Variants in RTN4IP1 observed in about 807,000 individuals in gnomAD.
The protein encoded by RTN4IP1 is reticulon 4 interacting protein 1, also known as NAD(P)H oxidoreductase RTN4IP1, mitochondrial.
A neutral mutation model predicts 46.6 loss-of-function variants in RTN4IP1; 32 were observed. That is an observed-to-expected ratio of 0.69 (90% CI 0.52 to 0.92). The LOEUF (loss-of-function observed/expected upper bound fraction) is 0.92. RTN4IP1 is among the 40% of genes least tolerant of loss of function. RTN4IP1 has a pLI of 0.00. For synonymous variants in RTN4IP1, 167 were observed against 161.8 expected, an observed-to-expected ratio of 1.03 and a Z score of -0.24; for missense variants, 424 against 485.8, an observed-to-expected ratio of 0.87 and a Z score of 1.20.
chr6:106,583,478 G>T (rs1775417054), intron 7 of RTN4IP1, 58 bp from the exon 8 acceptor site: 4 of 1,375,644 alleles, frequency 2.9e-6, no homozygotes, highest in Non-Finnish European at 4.1e-6. Context: ...CTGACTAAAT[G>T]CAGATTTAGG....
At chr6:106,624,054 CAT>C (rs1776566491) in intron 1 of RTN4IP1, among the ~76,000 whole-genome samples, 1 of 152,182 alleles carries the variant, frequency 6.6e-6, no homozygotes, top group Admixed American at 6.5e-5. Flanking sequence ...TTTTATTTCA[CAT>C]CTTTTTATTT....
In RTN4IP1 at chr6:106,587,810, C is replaced by T. The variant is rs1225890208; in HGVS notation, c.859G>A (p.Asp287Asn). 6.2e-7 allele frequency: 1 copy of T among 1,613,726 alleles called. No homozygotes were observed. Among genetic ancestry groups the T allele is most frequent in the Admixed American group, 1.7e-5 (1 of 59,992 alleles). ...VGGSTETWAP[D>N]FLKKWSGATY... ...GCTCCTGACCATTTCTTGAGAAAATCTGGAGCCCATGTTTCAGTGGATCCG... is the reference window on the plus strand; with the variant it reads ...GCTCCTGACCATTTCTTGAGAAAATTTGGAGCCCATGTTTCAGTGGATCCG... Residue 287 changes from aspartate (D) to asparagine (N), a missense_variant, in exon 7 of 9, where the codon GAT (aspartate) becomes AAT (asparagine). Asp to Asn is a conservative substitution (Grantham distance 23). Coordinates refer to ENST00000369063, the MANE Select transcript of RTN4IP1 (RefSeq NM_032730.5).
upstream of RTN4IP1, among the ~76,000 whole-genome samples, chr6:106,630,334 C>T (rs571377927): frequency 1.3e-5 from 2 of 152,278 alleles, no homozygotes; most frequent in Admixed American, 1.3e-4. Context: ...TACCTCTCAA[C>T]CCCCGTCTTA....
At chr6:106,623,878 T>C (rs2114683317) in intron 1 of RTN4IP1, among the ~76,000 whole-genome samples, 1 of 152,282 alleles carries the variant, frequency 6.6e-6, no homozygotes, top group Middle Eastern at 3.4e-3. Flanking sequence ...AATATATAAA[T>C]AAGGCAAGAA....
intron 1 of RTN4IP1, among the ~76,000 whole-genome samples, chr6:106,625,977 G>A (rs932501541): frequency 1.3e-5 from 2 of 151,988 alleles, no homozygotes; most frequent in Admixed American, 1.3e-4. Flanking sequence ...CTTAAGAAAG[G>A]AGAAATAACA....
chr6:106,571,750 C>A lies in RTN4IP1; in HGVS notation c.*246G>T. The A allele has an allele frequency of 2.3e-6, 1 of 426,192 alleles. No individual in the cohort carries two copies. Among genetic ancestry groups the A allele is most frequent in the Non-Finnish European group, 4.2e-6 (1 of 235,392 alleles). 26.4% of individuals were successfully genotyped at this position (426,192 alleles called of 1,614,324 possible). ...GTAAAACAGAAGGTGCCACAACAACCTGCAAAGCCAGTGTGAAGGAACAGC... is the reference window on the plus strand; with the variant it reads ...GTAAAACAGAAGGTGCCACAACAACATGCAAAGCCAGTGTGAAGGAACAGC... On this transcript the variant is annotated 3_prime_UTR_variant, in exon 9 of 9. Coordinates refer to ENST00000369063, the MANE Select transcript of RTN4IP1 (RefSeq NM_032730.5).
intron 1 of RTN4IP1, 104 bp downstream of exon 1, chr6:106,628,644 G>C: frequency 4.5e-6 from 5 of 1,099,512 alleles, no homozygotes; most frequent in Non-Finnish European, 6.4e-6. Flanking sequence ...AAACCTAAAT[G>C]ATTCATTTAT....
chr6:106,579,999 G>T (rs1218703698), intron 8 of RTN4IP1, among the ~76,000 whole-genome samples: 5 of 151,742 alleles, frequency 3.3e-5, no homozygotes, highest in African/African-American at 4.8e-5. Flanking sequence ...TGGATCATGA[G>T]GTCAGGAAAT....
upstream of RTN4IP1, among the ~76,000 whole-genome samples, chr6:106,630,101 A>G (rs890136213): frequency 6.6e-6 from 1 of 152,150 alleles, no homozygotes; most frequent in Non-Finnish European, 1.5e-5. Flanking sequence ...AGTTTGCAAA[A>G]TTCAAATGAG....
intron 8 of RTN4IP1, among the ~76,000 whole-genome samples, chr6:106,574,184 T>C (rs914516470): frequency 6.6e-6 from 1 of 152,088 alleles, no homozygotes; most frequent in African/African-American, 2.4e-5. Context: ...GTGGCTCACA[T>C]CTGTAATCCC....
upstream of RTN4IP1, chr6:106,629,526 A>G: frequency 1.0e-6 from 1 of 986,862 alleles, no homozygotes; most frequent in Non-Finnish European, 1.5e-6. Context: ...TACAAAGATC[A>G]TTTCCTCGGG....
intron 4 of RTN4IP1, among the ~76,000 whole-genome samples, chr6:106,614,774 C>G (rs1277084268): frequency 2.0e-5 from 3 of 152,126 alleles, no homozygotes; most frequent in African/African-American, 7.2e-5. Context: ...CTTAAGTTAG[C>G]TACGACCCCA....
chr6:106,607,696 T>G (rs1776120429), intron 4 of RTN4IP1: 1 of 152,070 alleles, frequency 6.6e-6, no homozygotes, highest in African/African-American at 2.4e-5. Context: ...GAATGGTTAT[T>G]ACCAAAAAGA....
rs554124381 is a variant in RTN4IP1 at position 106,605,984 on chromosome 6, A to C, written c.621-3062T>G. Among the ~76,000 whole-genome samples the C allele has an allele frequency of 2.6e-5, 4 of 152,306 alleles. No individual in the cohort carries two copies. The East Asian group carries it at 7.7e-4, about 29-fold the overall frequency. Reference sequence around the variant, plus strand: ...GCAATTAAGCAAGAGAAAGAAATAAAAGGCATCCAAATTGGAAAAGAGGAT... The same window carrying C: ...GCAATTAAGCAAGAGAAAGAAATAACAGGCATCCAAATTGGAAAAGAGGAT... On this transcript the variant is annotated intron_variant, in intron 4 of 8. Transcript: ENST00000369063.
At chr6:106,617,930 T>C (rs1562153020) in intron 4 of RTN4IP1, among the ~76,000 whole-genome samples, 1 of 152,236 alleles carries the variant, frequency 6.6e-6, no homozygotes, top group Non-Finnish European at 1.5e-5. Flanking sequence ...ATAAGGTTTT[T>C]GCAAGGTTAT....
intron 4 of RTN4IP1, among the ~76,000 whole-genome samples, chr6:106,613,257 C>T (rs76281581): frequency 0.019 from 2,907 of 152,202 alleles, 75 homozygotes; most frequent in African/African-American, 0.068. Flanking sequence ...TAAGTTATCC[C>T]TAGCTGTCCT....
rs144214501 is a variant in RTN4IP1 at position 106,600,937 on chromosome 6, G to T, written c.669+1937C>A. Among the ~76,000 whole-genome samples, 83 of 151,618 alleles carry T rather than the reference G, an allele frequency of 5.5e-4. No homozygotes were observed. The East Asian group carries it at 0.015, about 27-fold the overall frequency. ...TTAAATATATGTTTTCATTTCTCTT[G>T]GGTATATACCTAAGAATGGAATTGC... On this transcript the variant is annotated intron_variant, in intron 5 of 8. Coordinates refer to ENST00000369063, the MANE Select transcript of RTN4IP1 (RefSeq NM_032730.5).
chr6:106,583,466 A>C, intron 7 of RTN4IP1, 46 bp from the exon 8 acceptor site: 9 of 1,452,274 alleles, frequency 6.2e-6, no homozygotes, highest in African/African-American at 2.8e-5. Context: ...AAAACATAAA[A>C]TCTGACTAAA....
intron 1 of RTN4IP1, among the ~76,000 whole-genome samples, chr6:106,627,125 T>A (rs187602705): frequency 1.2e-3 from 126 of 109,262 alleles, no homozygotes; most frequent in African/African-American, 4.3e-3. Context: ...ACAATAAATA[T>A]CCTCAAAAGG....
Sources: allele counts gnomAD v4.1 joint callset (sites outside exome capture counted in the v4.1 genomes callset), GRCh38; gene constraint gnomAD v4.1.1; transcripts MANE v1.5; gene names NCBI Gene and HGNC (gene_info 2026-07-23, HGNC 2026-07-21).